RUFY3: variants seen among roughly 807,000 people sequenced by gnomAD.
RUFY3 encodes the protein RUN and FYVE domain containing 3.
A neutral mutation model predicts 84.0 loss-of-function variants in RUFY3; 34 were observed. The ratio of observed to expected loss-of-function variants is 0.40; its 90% CI spans 0.31 to 0.54. The LOEUF is 0.54. RUFY3 is among the 20% of genes least tolerant of loss of function. RUFY3 has a pLI of 0.39. For missense variants in RUFY3, 507 were observed against 736.8 expected (o/e 0.69, Z 3.61); for synonymous variants, 242 against 252.9 (o/e 0.96, Z 0.41).
chr4:70,748,604 A>G (rs1722608692), intron 1 of RUFY3, among the ~76,000 whole-genome samples: 1 of 152,154 alleles, frequency 6.6e-6, no homozygotes, highest in South Asian at 2.1e-4. Flanking sequence ...CAAGACTCCT[A>G]GGTCAGAGAT....
chr4:70,723,656 T>G (rs1230439851), intron 1 of RUFY3, among the ~76,000 whole-genome samples: 2 of 152,202 alleles, frequency 1.3e-5, no homozygotes, highest in African/African-American at 4.8e-5. Context: ...CAGTTGCTTC[T>G]TAGCTAAGGT....
At chr4:70,708,660 A>G (rs1292361324) in intron 1 of RUFY3, among the ~76,000 whole-genome samples, 1 of 152,178 alleles carries the variant, frequency 6.6e-6, no homozygotes, top group African/African-American at 2.4e-5. Context: ...TTTTTATTTT[A>G]GAAATCTTGA....
intron 1 of RUFY3, among the ~76,000 whole-genome samples, chr4:70,756,330 C>T (rs1724018607): frequency 1.3e-5 from 2 of 152,170 alleles, no homozygotes; most frequent in Admixed American, 1.3e-4. Flanking sequence ...TTCCAATCAT[C>T]TTCCAAAAGG....
At chr4:70,741,177 A>T (rs1376354590) in intron 1 of RUFY3, among the ~76,000 whole-genome samples, 1 of 148,830 alleles carries the variant, frequency 6.7e-6, no homozygotes, top group Admixed American at 6.6e-5. Flanking sequence ...TTTTTTTTTT[A>T]AGAAAAGTCA....
At chr4:70,738,686 A>C (rs1035106026) in intron 1 of RUFY3, among the ~76,000 whole-genome samples, 2 of 151,576 alleles carry the variant, frequency 1.3e-5, no homozygotes, top group Non-Finnish European at 2.9e-5. Flanking sequence ...TTTAACTTCC[A>C]TTGCATTAGT....
exon 1 of RUFY3, chr4:70,705,202 G>T: frequency 6.8e-7 from 1 of 1,461,876 alleles, no homozygotes; most frequent in Non-Finnish European, 9.0e-7. Flanking sequence ...CAGCGCTCCT[G>T]GAGGACCCCG....
chr4:70,705,347 G>C (rs886777466), intron 1 of RUFY3: 8 of 1,250,374 alleles, frequency 6.4e-6, no homozygotes, highest in Non-Finnish European at 6.1e-6. Flanking sequence ...CATTCGGCTG[G>C]GGAGGGCCGG....
chr4:70,804,518 G>GTT, intron 17 of RUFY3, 102 bp downstream of exon 17: 1 of 936,130 alleles, frequency 1.1e-6, no homozygotes, highest in Non-Finnish European at 1.7e-6. Context: ...AGAGTGCAGA[G>GTT]TGCATGCAGA....
rs1157170615 is a variant in RUFY3 at position 70,729,292 on chromosome 4, T to G, written c.178+6541T>G. On this transcript the variant is annotated intron_variant, in intron 1 of 17. Coordinates refer to ENST00000381006, the MANE Select transcript of RUFY3 (RefSeq NM_001037442.4). ...TTTTTTTTGAGACAGAGTCTCACAG[T>G]GTCACCTGGACTGGAGTGCAATGGC... Among the ~76,000 whole-genome samples the G allele has an allele frequency of 3.9e-5, 6 of 152,106 alleles. No homozygotes were observed. The East Asian group carries it at 1.2e-3, about 29-fold the overall frequency.
At chr4:70,755,159 C>T (rs752209292) in intron 1 of RUFY3, among the ~76,000 whole-genome samples, 27 of 151,964 alleles carry the variant, frequency 1.8e-4, no homozygotes, top group Non-Finnish European at 3.1e-4. Context: ...CCTGAGCCAC[C>T]GCGTGAGCCA....
At position 70,750,959 on chromosome 4, in the gene RUFY3, T is replaced by C. The variant is rs994568169; in HGVS notation, c.179-11560T>C. ...GGATTAATAATATTGTATGGGCATATCATATTTTGTCTATTGGTTGGTGGA... is the reference window on the plus strand; with the variant it reads ...GGATTAATAATATTGTATGGGCATACCATATTTTGTCTATTGGTTGGTGGA... On this transcript the variant is annotated intron_variant, in intron 1 of 17. Coordinates refer to ENST00000381006, the MANE Select transcript of RUFY3 (RefSeq NM_001037442.4). Among the ~76,000 whole-genome samples the C allele has an allele frequency of 1.3e-5, 2 of 152,240 alleles. 1 individual carries two copies. The highest frequency in any genetic ancestry group is 6.3e-3 in the Middle Eastern group (2 of 316).
intron 5 of RUFY3, among the ~76,000 whole-genome samples, chr4:70,769,640 C>G (rs1026928231): frequency 5.6e-4 from 85 of 152,166 alleles, no homozygotes; most frequent in African/African-American, 2.0e-3. Flanking sequence ...AAAGATTTCT[C>G]TGTAGCATAC....
rs144818064 is a variant in RUFY3, at chr4:70,750,546, C to T, written c.179-11973C>T. Reference sequence around the variant, plus strand: ...AATAGCCTTATTGAGGTACAATTCACATACCATAAAGGTCACCACTTTAAA... The same window carrying T: ...AATAGCCTTATTGAGGTACAATTCATATACCATAAAGGTCACCACTTTAAA... On this transcript the variant is annotated intron_variant, in intron 1 of 17. Coordinates refer to ENST00000381006, the MANE Select transcript of RUFY3 (RefSeq NM_001037442.4). Among the ~76,000 whole-genome samples the T allele has an allele frequency of 3.8e-3, 583 of 152,268 alleles. 3 individuals carry two copies. Among genetic ancestry groups the T allele is most frequent in the African/African-American group, 0.013 (556 of 41,550 alleles).
rs1742401941 is a variant in RUFY3, at chr4:70,722,339, G to A, written c.-235G>A. The A allele has an allele frequency of 1.6e-6, 2 of 1,244,090 alleles. No individual in the cohort carries two copies. The highest frequency in any genetic ancestry group is 1.0e-6 in the Non-Finnish European group (1 of 994,828). 77.1% of individuals were successfully genotyped at this position (1,244,090 alleles called of 1,614,324 possible). ...CAAGCATCATCTTATTTTGCTATGT[G>A]GTAGGAACTGTCTATAAGATAGTGT... On this transcript the variant is annotated 5_prime_UTR_variant, in exon 1 of 18. It introduces an in-frame stop codon into an upstream open reading frame of the 5' UTR. Transcript: ENST00000381006.
chr4:70,777,744 C>T (rs923547778), intron 7 of RUFY3, among the ~76,000 whole-genome samples: 12 of 152,138 alleles, frequency 7.9e-5, no homozygotes, highest in African/African-American at 1.9e-4. Context: ...AATGCAATAA[C>T]GCAAATAACG....
At chr4:70,746,742 A>T (rs531115539) in intron 1 of RUFY3, among the ~76,000 whole-genome samples, 1 of 152,346 alleles carries the variant, frequency 6.6e-6, no homozygotes, top group East Asian at 1.9e-4. Context: ...TGATACATGC[A>T]ACAACCTGAA....
At chr4:70,742,028 G>A (rs569054205) in intron 1 of RUFY3, among the ~76,000 whole-genome samples, 12 of 152,298 alleles carry the variant, frequency 7.9e-5, no homozygotes, top group African/African-American at 2.6e-4. Context: ...GCAGCCAAAA[G>A]CAAACAGATC....
chr4:70,741,698 A>G, intron 1 of RUFY3: 2 of 1,454,828 alleles, frequency 1.4e-6, no homozygotes, highest in South Asian at 1.4e-5. Flanking sequence ...CCACACCAAC[A>G]TCTTTCAGCT....
At chr4:70,740,224 A>G (rs1159874645) in intron 1 of RUFY3, among the ~76,000 whole-genome samples, 1 of 152,204 alleles carries the variant, frequency 6.6e-6, no homozygotes, top group Non-Finnish European at 1.5e-5. Context: ...ACAGCTTTAC[A>G]TGGAAAAGAC....
Sources: gnomAD v4.1 joint callset for allele counts (sites outside exome capture counted in the v4.1 genomes callset) on GRCh38, gnomAD v4.1.1 for gene constraint, MANE v1.5 for transcripts, NCBI Gene and HGNC (gene_info 2026-07-23, HGNC 2026-07-21) for gene names.